The following CFAP58 variants were observed in gnomAD, a reference collection of about 807,000 sequenced individuals.
CFAP58 encodes cilia and flagella associated protein 58, also known as cilia- and flagella-associated protein 58.
In CFAP58, 88 loss-of-function variants were observed where a neutral mutation model predicts 119.5. That is an observed-to-expected ratio of 0.74 (90% confidence interval 0.62 to 0.88). CFAP58 has a LOEUF of 0.88. Ranked by LOEUF, CFAP58 falls within the 40% of genes least tolerant of loss-of-function variation. The probability of loss-of-function intolerance (pLI) is 0.00; values close to 1 mark genes in which losing one functional copy is unlikely to be tolerated. For synonymous variants in CFAP58, 365 were observed against 366.3 expected, an observed-to-expected ratio of 1.00 and a Z score of 0.04; for missense variants, 990 against 1,021.2, an observed-to-expected ratio of 0.97 and a Z score of 0.42.
chr10:104,393,573 C>A, intron 11 of CFAP58, 98 bp downstream of exon 11: 3 of 1,163,166 alleles, frequency 2.6e-6, no homozygotes, highest in Non-Finnish European at 3.6e-6. Flanking sequence ...GGGAGAACAA[C>A]CACGCCTGCC....
At chr10:104,446,260 C>T (rs1256662407) in intron 15 of CFAP58, among the ~76,000 whole-genome samples, 1 of 152,180 alleles carries the variant, frequency 6.6e-6, no homozygotes, top group African/African-American at 2.4e-5. Context: ...TGTTCAAGTT[C>T]TCTTCTTTGG....
chr10:104,395,582 T>G (rs752103060), intron 11 of CFAP58, among the ~76,000 whole-genome samples: 1 of 152,222 alleles, frequency 6.6e-6, no homozygotes, highest in Non-Finnish European at 1.5e-5. Flanking sequence ...TTAAGCTCGT[T>G]TGACATTCTC....
the CFAP58 span, among the ~76,000 whole-genome samples, chr10:104,347,143 G>A: frequency 9.9e-5 from 15 of 152,016 alleles, 1 homozygote; most frequent in African/African-American, 2.4e-4. Context: ...CAGGTAAGAC[G>A]ACTGGGTAGT....
chr10:104,410,708 T>G (rs979786439), intron 15 of CFAP58, among the ~76,000 whole-genome samples: 13 of 152,134 alleles, frequency 8.5e-5, no homozygotes, highest in Admixed American at 1.3e-4. Flanking sequence ...ATTTGGGTAT[T>G]AATTTAGTTT....
chr10:104,426,646 C>T (rs112478454), intron 15 of CFAP58, among the ~76,000 whole-genome samples: 7 of 152,282 alleles, frequency 4.6e-5, no homozygotes, highest in African/African-American at 1.2e-4. Context: ...GTAATCCTTT[C>T]GTTCCATTTC....
intron 1 of CFAP58, among the ~76,000 whole-genome samples, chr10:104,356,261 G>A (rs2014541446): frequency 6.6e-6 from 1 of 152,176 alleles, no homozygotes; most frequent in Non-Finnish European, 1.5e-5. Flanking sequence ...CATCGTTAGA[G>A]ATTTAATTAA....
In CFAP58 at chr10:104,361,073, C is replaced by G. The variant is rs1028529247; in HGVS notation, c.292-950C>G. On this transcript the variant is annotated intron_variant, in intron 2 of 17. Transcript: ENST00000369704. ...TGATTCAATCACCTCCCACCAGGCC[C>G]CACCTCCAACATTGGGGATTACATT... Among the ~76,000 whole-genome samples the G allele has an allele frequency of 3.3e-5, 5 of 152,186 alleles. No individual in the cohort carries two copies. In the East Asian group the frequency reaches 9.6e-4, roughly 29 times the overall value.
rs570070519 is a variant in CFAP58 at position 104,358,919 on chromosome 10, T to A, written c.291+297T>A. Among the ~76,000 whole-genome samples, 17 of 152,350 alleles carry A rather than the reference T, an allele frequency of 1.1e-4. No individual in the cohort carries two copies. The South Asian group carries it at 3.5e-3, about 32-fold the overall frequency. On this transcript the variant is annotated intron_variant, in intron 2 of 17. Coordinates refer to ENST00000369704, the MANE Select transcript of CFAP58 (RefSeq NM_001008723.2). ...TATTTGGAATCTCAATATATCTTAT[T>A]TGATGCATGATGAGTAATTTAATAC...
intron 15 of CFAP58, among the ~76,000 whole-genome samples, chr10:104,446,760 T>C (rs970240196): frequency 5.3e-5 from 8 of 152,216 alleles, no homozygotes; most frequent in African/African-American, 1.7e-4. Flanking sequence ...GCTTTAGAAA[T>C]AAATCTTTGC....
chr10:104,430,491 T>TGC (rs1436705027), intron 15 of CFAP58, among the ~76,000 whole-genome samples: 25 of 152,254 alleles, frequency 1.6e-4, no homozygotes, highest in Non-Finnish European at 3.2e-4. Flanking sequence ...ATTACAGAGC[T>TGC]TAATACACAA....
intron 15 of CFAP58, among the ~76,000 whole-genome samples, chr10:104,422,053 G>A (rs188837074): frequency 6.6e-6 from 1 of 152,184 alleles, no homozygotes; most frequent in African/African-American, 2.4e-5. Flanking sequence ...CAGGTGCGGT[G>A]GCACACACCT....
intron 15 of CFAP58, among the ~76,000 whole-genome samples, chr10:104,428,168 G>A (rs1484442779): frequency 6.6e-6 from 1 of 152,170 alleles, no homozygotes; most frequent in African/African-American, 2.4e-5. Flanking sequence ...CACAGGCCAA[G>A]GGAGGAGTGA....
At chr10:104,417,070 AT>A (rs2012566123) in intron 15 of CFAP58, among the ~76,000 whole-genome samples, 1 of 152,200 alleles carries the variant, frequency 6.6e-6, no homozygotes, top group South Asian at 2.1e-4. Flanking sequence ...AAGAATCTGC[AT>A]TTTAAGCAGA....
intron 11 of CFAP58, 63 bp downstream of exon 11, chr10:104,393,538 G>T (rs1368338521): frequency 3.3e-6 from 5 of 1,523,898 alleles, no homozygotes; most frequent in East Asian, 4.6e-5. Context: ...GCGGCCTCCA[G>T]TCTCACTGAA....
intron 9 of CFAP58, 98 bp downstream of exon 9, chr10:104,380,318 T>C (rs2011763350): frequency 1.7e-6 from 2 of 1,161,286 alleles, no homozygotes; most frequent in Admixed American, 4.7e-5. Context: ...TTATTCAGAT[T>C]TCTGTTTGTA....
At chr10:104,419,851 C>T (rs542659762) in intron 15 of CFAP58, among the ~76,000 whole-genome samples, 21 of 152,080 alleles carry the variant, frequency 1.4e-4, no homozygotes, top group Admixed American at 9.8e-4. Context: ...TTTTGGTTTT[C>T]GTGTTAAAAA....
At chr10:104,426,129 G>A (rs1011665419) in intron 15 of CFAP58, among the ~76,000 whole-genome samples, 4 of 152,196 alleles carry the variant, frequency 2.6e-5, no homozygotes, top group African/African-American at 7.2e-5. Context: ...CTACTTGGGA[G>A]GCTGAGATGG....
intron 15 of CFAP58, among the ~76,000 whole-genome samples, chr10:104,424,546 C>CCTTA (rs1362110113): frequency 6.6e-6 from 1 of 152,114 alleles, no homozygotes; most frequent in African/African-American, 2.4e-5. Context: ...AGGACATGGT[C>CCTTA]CTTACCTGCA....
intron 5 of CFAP58, 79 bp downstream of exon 5, chr10:104,366,087 A>C (rs2014743925): frequency 7.8e-7 from 1 of 1,284,442 alleles, no homozygotes; most frequent in Non-Finnish European, 1.0e-6. Context: ...GTGCATTTTG[A>C]ATTCTCTTGG....
Sources: gnomAD v4.1 joint callset for allele counts (sites outside exome capture counted in the v4.1 genomes callset) on GRCh38, gnomAD v4.1.1 for gene constraint, MANE v1.5 for transcripts, NCBI Gene and HGNC (gene_info 2026-07-23, HGNC 2026-07-21) for gene names.